KIAA1217: variants seen among roughly 807,000 people sequenced by gnomAD.
The protein encoded by KIAA1217 is KIAA1217.
In KIAA1217, 88 loss-of-function variants were observed where a neutral mutation model predicts 163.9. That is an observed-to-expected ratio of 0.54 (90% confidence interval 0.45 to 0.64). The LOEUF is 0.64. KIAA1217 is among the 30% of genes least tolerant of loss of function. The pLI, the probability that KIAA1217 is intolerant of heterozygous loss-of-function variation, is 0.00. For synonymous variants in KIAA1217, 903 were observed against 923.1 expected (o/e 0.98, Z 0.39); for missense variants, 2,372 against 2,475.0 (o/e 0.96, Z 0.88).
Position 24,473,614 on chromosome 10 carries a change from T to A in KIAA1217, c.1233T>A (p.Gly411=). The change falls in exon 6 of 21, where the codon GGT becomes GGA. Residue 411 remains glycine, a synonymous_variant. Transcript: ENST00000376454. ...EGRMSIASSH[G]GHPLDVPDHI... ...GGATGAGCATAGCCTCATCCCATGG[T>A]GGACACCCACTGGATGTCCCCGACC... 1 of 1,614,142 alleles carries A rather than the reference T, an allele frequency of 6.2e-7. No homozygotes were observed. Among genetic ancestry groups the A allele is most frequent in the African/African-American group, 1.3e-5 (1 of 75,044 alleles).
At chr10:23,820,809 G>C (rs188552354) in intron 1 of KIAA1217, among the ~76,000 whole-genome samples, 36 of 152,250 alleles carry the variant, frequency 2.4e-4, no homozygotes, top group Admixed American at 6.5e-4. Context: ...GTTTGGAGTT[G>C]GATGGCACTC....
intron 3 of KIAA1217, among the ~76,000 whole-genome samples, chr10:24,389,681 A>G (rs1328628956): frequency 6.6e-6 from 1 of 152,118 alleles, no homozygotes; most frequent in Non-Finnish European, 1.5e-5. Flanking sequence ...GTCTGGCTGG[A>G]ATCACCCATA....
chr10:24,381,889 C>G (rs2053353496), intron 3 of KIAA1217, among the ~76,000 whole-genome samples: 1 of 152,128 alleles, frequency 6.6e-6, no homozygotes, highest in African/African-American at 2.4e-5. Context: ...CATGACTGTT[C>G]ATAAGAACCA....
intron 2 of KIAA1217, among the ~76,000 whole-genome samples, chr10:24,370,972 G>C (rs765128715): frequency 3.3e-5 from 5 of 152,194 alleles, no homozygotes; most frequent in Non-Finnish European, 7.4e-5. Flanking sequence ...GTGAAAGTCT[G>C]AGTTAATGAG....
At chr10:24,245,122 T>C (rs1435727369) in intron 2 of KIAA1217, among the ~76,000 whole-genome samples, 3 of 152,144 alleles carry the variant, frequency 2.0e-5, no homozygotes, top group African/African-American at 7.2e-5. Flanking sequence ...CGGGAGTCTA[T>C]ATGGCGGTCT....
At chr10:23,845,151 G>A (rs1486717785) in intron 1 of KIAA1217, among the ~76,000 whole-genome samples, 1 of 152,096 alleles carries the variant, frequency 6.6e-6, no homozygotes, top group African/African-American at 2.4e-5. Context: ...TGGACATTTG[G>A]GTTGGTTCCA....
intron 1 of KIAA1217, among the ~76,000 whole-genome samples, chr10:23,940,460 C>CAAAAAAAAAAAAAAAAAAA (rs760090400): frequency 1.7e-4 from 8 of 46,016 alleles, no homozygotes; most frequent in Non-Finnish European, 2.4e-4. Context: ...GACTCCGTCT[C>CAAAAAAAAAAAAAAAAAAA]AAAAAAAAAA....
At chr10:23,973,007 C>G (rs1845385522) in intron 1 of KIAA1217, among the ~76,000 whole-genome samples, 1 of 152,066 alleles carries the variant, frequency 6.6e-6, no homozygotes, top group Non-Finnish European at 1.5e-5. Flanking sequence ...ATAGATGCAG[C>G]AAACCACCAT....
At chr10:24,155,160 A>C (rs1168717225) in intron 2 of KIAA1217, among the ~76,000 whole-genome samples, 2 of 152,166 alleles carry the variant, frequency 1.3e-5, no homozygotes, top group Admixed American at 6.5e-5. Context: ...TTACCACAAT[A>C]ATTTTTTTAA....
intron 16 of KIAA1217, among the ~76,000 whole-genome samples, chr10:24,535,158 A>C (rs766959721): frequency 1.3e-5 from 2 of 152,192 alleles, no homozygotes; most frequent in Non-Finnish European, 2.9e-5. Context: ...CGAGGGTCTA[A>C]TAGCTCAAAG....
At chr10:24,262,890 C>T (rs991753780) in intron 2 of KIAA1217, among the ~76,000 whole-genome samples, 31 of 150,108 alleles carry the variant, frequency 2.1e-4, no homozygotes, top group Non-Finnish European at 4.3e-4. Flanking sequence ...GTGGAGGCTG[C>T]AGTGAGCCAG....
intron 2 of KIAA1217, among the ~76,000 whole-genome samples, chr10:24,253,400 C>T (rs1322358090): frequency 6.6e-6 from 1 of 152,162 alleles, no homozygotes; most frequent in Non-Finnish European, 1.5e-5. Flanking sequence ...ACGGTGACCC[C>T]CAATGCAGGC....
intron 2 of KIAA1217, among the ~76,000 whole-genome samples, chr10:24,271,278 T>G (rs1422741379): frequency 6.6e-6 from 1 of 152,188 alleles, no homozygotes; most frequent in Non-Finnish European, 1.5e-5. Flanking sequence ...CTCAGTAACA[T>G]TGAACTTAGT....
At position 24,015,534 on chromosome 10, in the gene KIAA1217, T is replaced by C. The variant is rs184703907; in HGVS notation, c.-171+8160T>C. 9.0e-4 allele frequency among the ~76,000 whole-genome samples: 137 copies of C among 152,078 alleles called. 1 individual carries two copies. The highest frequency in any genetic ancestry group is 3.1e-3 in the African/African-American group (129 of 41,496). Reference sequence around the variant, plus strand: ...ACTTTGGGAGGCCAAGGCAGGTGGATCACCTGAGGTCAAGAGTTCAAGACC... The same window carrying C: ...ACTTTGGGAGGCCAAGGCAGGTGGACCACCTGAGGTCAAGAGTTCAAGACC... On this transcript the variant is annotated intron_variant, in intron 2 of 18. Transcript: ENST00000376462.
chr10:24,460,142 G>A (rs896653993), intron 5 of KIAA1217, among the ~76,000 whole-genome samples: 1 of 152,074 alleles, frequency 6.6e-6, no homozygotes, highest in African/African-American at 2.4e-5. Flanking sequence ...CTAAACCCAA[G>A]GAAAGCAGAT....
chr10:23,696,310 T>C lies in KIAA1217; in HGVS notation c.-321+1076T>C, dbSNP rs888502402. Reference sequence around the variant, plus strand: ...CCCTGCTCTCACCTGGGGAGGGTTCTCAGGAATTTGATATTAAATTTGATG... The same window carrying C: ...CCCTGCTCTCACCTGGGGAGGGTTCCCAGGAATTTGATATTAAATTTGATG... On this transcript the variant is annotated intron_variant, in intron 1 of 18. Coordinates refer to the KIAA1217 transcript ENST00000376462. Among the ~76,000 whole-genome samples, 7 of 152,348 alleles carry C rather than the reference T, an allele frequency of 4.6e-5. 1 individual carries two copies. The East Asian group carries it at 7.7e-4, about 17-fold the overall frequency.
At chr10:24,221,498 T>A (rs2069648084) in intron 2 of KIAA1217, among the ~76,000 whole-genome samples, 1 of 152,316 alleles carries the variant, frequency 6.6e-6, no homozygotes, top group Admixed American at 6.5e-5. Flanking sequence ...TCCATGGAAA[T>A]GGAGATTGGC....
chr10:23,992,997 G>C (rs7092442), intron 1 of KIAA1217, among the ~76,000 whole-genome samples: 99,061 of 148,260 alleles, frequency 0.67, 34,286 homozygotes, highest in African/African-American at 0.85. Flanking sequence ...GCAGTCACTT[G>C]TCCCCATGAA....
chr10:23,831,592 A>G (rs1199805049), intron 1 of KIAA1217, among the ~76,000 whole-genome samples: 2 of 152,154 alleles, frequency 1.3e-5, no homozygotes, highest in Non-Finnish European at 2.9e-5. Flanking sequence ...ACGTTTAAAT[A>G]ATTGTATTAG....
Sources: allele counts gnomAD v4.1 joint callset (sites outside exome capture counted in the v4.1 genomes callset), GRCh38; gene constraint gnomAD v4.1.1; transcripts MANE v1.5; gene names NCBI Gene and HGNC (gene_info 2026-07-23, HGNC 2026-07-21).